The following EXOC6 variants were observed in gnomAD, a reference collection of about 807,000 sequenced individuals.
EXOC6 encodes SEC15-like 1.
EXOC6 carries 60 observed loss-of-function variants against 112.5 expected under a neutral mutation model. The ratio of observed to expected loss-of-function variants is 0.53; its 90% CI spans 0.43 to 0.66. The LOEUF (loss-of-function observed/expected upper bound fraction) is 0.66, where lower values mean the gene tolerates loss of function less well. EXOC6 is among the 30% of genes least tolerant of loss of function. The probability of loss-of-function intolerance (pLI) is 0.00; values close to 1 mark genes in which losing one functional copy is unlikely to be tolerated. For missense variants in EXOC6, 855 were observed against 957.1 expected, an observed-to-expected ratio of 0.89 and a Z score of 1.41; for synonymous variants, 295 against 308.0, an observed-to-expected ratio of 0.96 and a Z score of 0.44.
intron 18 of EXOC6, among the ~76,000 whole-genome samples, chr10:92,996,314 GT>G (rs551807308): frequency 9.9e-5 from 15 of 152,272 alleles, no homozygotes; most frequent in African/African-American, 3.1e-4. Flanking sequence ...ACCTAAAAGA[GT>G]TTTTATAATA....
At chr10:92,877,345 G>A (rs1455455678) in intron 1 of EXOC6, among the ~76,000 whole-genome samples, 1 of 151,742 alleles carries the variant, frequency 6.6e-6, no homozygotes, top group African/African-American at 2.4e-5. Flanking sequence ...CTAAGATTTG[G>A]ATTGTCTACC....
chr10:92,963,160 A>G (rs2134047341), intron 17 of EXOC6, among the ~76,000 whole-genome samples: 1 of 152,346 alleles, frequency 6.6e-6, no homozygotes, highest in African/African-American at 2.4e-5. Context: ...TCTTATGTTA[A>G]TAAGGATGCT....
chr10:92,844,878 T>G (rs1256514130), upstream of EXOC6, among the ~76,000 whole-genome samples: 1 of 152,184 alleles, frequency 6.6e-6, no homozygotes, highest in African/African-American at 2.4e-5. Flanking sequence ...TAGTAAGAGA[T>G]GAGTTGGAAT....
At chr10:93,049,948 G>A (rs546143905) in intron 20 of EXOC6, among the ~76,000 whole-genome samples, 2 of 152,154 alleles carry the variant, frequency 1.3e-5, no homozygotes, top group South Asian at 4.1e-4. Flanking sequence ...CTCTAAAATT[G>A]ATTGAGATGG....
chr10:92,928,401 A>G lies in EXOC6; in HGVS notation c.951A>G (p.Val317=), dbSNP rs1851839398. Residue 317 remains valine (V), a synonymous_variant, in exon 9 of 22, where the codon GTA becomes GTG. Coordinates refer to ENST00000260762, the MANE Select transcript of EXOC6 (RefSeq NM_019053.6). Reference sequence around the variant, plus strand: ...AAAGAAAGAAACAAGCAAGACTGGTATTGCAACCCCAGTCGAATATGGTAA... The same window carrying G: ...AAAGAAAGAAACAAGCAAGACTGGTGTTGCAACCCCAGTCGAATATGGTAA... ...RKQRKKQARL[V]LQPQSNMHET... 2 of 1,607,000 alleles carry G rather than the reference A, an allele frequency of 1.2e-6. No individual in the cohort carries two copies. The highest frequency in any genetic ancestry group is 1.7e-6 in the Non-Finnish European group (2 of 1,174,990).
chr10:93,055,546 G>C (rs1239310595), intron 20 of EXOC6, among the ~76,000 whole-genome samples: 4 of 152,158 alleles, frequency 2.6e-5, no homozygotes, highest in Admixed American at 1.3e-4. Context: ...CTTACCATCT[G>C]AGTGTATGAA....
At chr10:92,847,099 C>T (rs1847079145), upstream of EXOC6, among the ~76,000 whole-genome samples, 2 of 152,196 alleles carry the variant, frequency 1.3e-5, no homozygotes, top group African/African-American at 2.4e-5. Flanking sequence ...GACATGCTGA[C>T]ACCTTGATTT....
intron 20 of EXOC6, among the ~76,000 whole-genome samples, chr10:93,038,718 T>G (rs1304087494): frequency 5.3e-5 from 8 of 152,226 alleles, no homozygotes; most frequent in African/African-American, 1.9e-4. Flanking sequence ...GTTCTTAAAC[T>G]TTTGCTTCTT....
chr10:93,034,508 T>C (rs1416213938), intron 20 of EXOC6, among the ~76,000 whole-genome samples: 1 of 152,204 alleles, frequency 6.6e-6, no homozygotes, highest in Admixed American at 6.5e-5. Flanking sequence ...CTGATAAACA[T>C]ACACTTGTAT....
rs569378098 is a variant in EXOC6, at chr10:93,047,505, C to T, written c.2170-9419C>T. Among the ~76,000 whole-genome samples, 56 of 152,112 alleles carry T rather than the reference C, an allele frequency of 3.7e-4. 1 individual carries two copies. In the South Asian group the frequency reaches 0.012, roughly 32 times the overall value. ...GAGGTGAGATTGCACCACTGTACTC[C>T]AGCCTGGGCATCAGAGTGAGGCTAT... On this transcript the variant is annotated intron_variant, in intron 20 of 21. Transcript: ENST00000260762.
At chr10:92,859,821 A>ATATGTGTG (rs1491101635) in intron 1 of EXOC6, among the ~76,000 whole-genome samples, 2 of 141,594 alleles carry the variant, frequency 1.4e-5, no homozygotes, top group Non-Finnish European at 3.1e-5. Context: ...GTTTGTGTGC[A>ATATGTGTG]TGTGTGTGTG....
chr10:92,994,858 G>A (rs1564894785), intron 18 of EXOC6, among the ~76,000 whole-genome samples: 2 of 151,580 alleles, frequency 1.3e-5, no homozygotes, highest in South Asian at 2.1e-4. Context: ...ATATATTTTC[G>A]GGTGTGTAAA....
intron 18 of EXOC6, among the ~76,000 whole-genome samples, chr10:92,995,299 C>T (rs1843439699): frequency 1.3e-5 from 2 of 152,038 alleles, no homozygotes; most frequent in Non-Finnish European, 2.9e-5. Context: ...GTTTTCAGCT[C>T]CAGTGCTATT....
intron 18 of EXOC6, among the ~76,000 whole-genome samples, chr10:92,976,209 G>A (rs1284301548): frequency 6.6e-6 from 1 of 152,174 alleles, no homozygotes; most frequent in Non-Finnish European, 1.5e-5. Flanking sequence ...CATGATGACA[G>A]TGGCGATTTT....
chr10:92,869,029 A>C (rs545843256), intron 1 of EXOC6, among the ~76,000 whole-genome samples: 15 of 152,224 alleles, frequency 9.9e-5, no homozygotes, highest in African/African-American at 3.6e-4. Context: ...ATGTTAAGGA[A>C]ACATTCATCA....
Position 92,930,504 on chromosome 10 carries a change from A to AAATAATAATAAT in EXOC6, c.972+2094_972+2105dup, listed in dbSNP as rs10638557. 6.8e-4 allele frequency among the ~76,000 whole-genome samples: 102 copies of AAATAATAATAAT among 149,258 alleles called. 1 individual carries two copies. Among genetic ancestry groups the AAATAATAATAAT allele is most frequent in the East Asian group, 2.9e-3 (15 of 5,108 alleles). ...GGTGACAAGAGTGAGACTCTGTCTC[A>AAATAATAATAAT]AATAATAATAATAATAATAATAAAT... On this transcript the variant is annotated intron_variant, in intron 9 of 21. Coordinates refer to ENST00000260762, the MANE Select transcript of EXOC6 (RefSeq NM_019053.6).
intron 1 of EXOC6, among the ~76,000 whole-genome samples, chr10:92,859,302 G>A (rs1847784518): frequency 6.6e-6 from 1 of 152,146 alleles, no homozygotes; most frequent in African/African-American, 2.4e-5. Context: ...AGTCTCTGAT[G>A]TTGCTCCTCA....
intron 1 of EXOC6, among the ~76,000 whole-genome samples, chr10:92,865,294 G>A (rs762138841): frequency 6.6e-6 from 1 of 152,054 alleles, no homozygotes; most frequent in Non-Finnish European, 1.5e-5. Context: ...AGCACTTTGG[G>A]AGGCCAAGGC....
intron 1 of EXOC6, among the ~76,000 whole-genome samples, chr10:92,827,474 CAAAAAAAAAAA>C (rs60863083): frequency 5.1e-4 from 17 of 33,196 alleles, no homozygotes; most frequent in Non-Finnish European, 7.1e-4. Flanking sequence ...GCCCTGTTGC[CAAAAAAAAAAA>C]AAAAAAAAAA....
Sources: gnomAD v4.1 joint callset for allele counts (sites outside exome capture counted in the v4.1 genomes callset) on GRCh38, gnomAD v4.1.1 for gene constraint, MANE v1.5 for transcripts, NCBI Gene and HGNC (gene_info 2026-07-23, HGNC 2026-07-21) for gene names.